Variants in ZNF385D observed in about 807,000 individuals in gnomAD.
ZNF385D encodes the protein zinc finger protein 659.
ZNF385D carries 15 observed loss-of-function variants against 35.8 expected under a neutral mutation model. The observed-to-expected ratio is 0.42, with a 90% CI of 0.28 to 0.64. The LOEUF is 0.64. Among genes scored for constraint, ZNF385D ranks in the 30% least tolerant of loss-of-function variants. The pLI, the probability that ZNF385D is intolerant of heterozygous loss-of-function variation, is 0.23. For synonymous variants in ZNF385D, 212 were observed against 186.8 expected, an observed-to-expected ratio of 1.13 and a Z score of -1.10; for missense variants, 474 against 494.6, an observed-to-expected ratio of 0.96 and a Z score of 0.39.
At chr3:22,185,719 G>A (rs1344958140) in intron 2 of ZNF385D, among the ~76,000 whole-genome samples, 1 of 152,158 alleles carries the variant, frequency 6.6e-6, no homozygotes, top group Non-Finnish European at 1.5e-5. Context: ...ACCCGCCTTG[G>A]CCTTCCAAAG....
intron 2 of ZNF385D, among the ~76,000 whole-genome samples, chr3:22,169,725 G>T (rs1262205057): frequency 6.6e-6 from 1 of 152,164 alleles, no homozygotes; most frequent in East Asian, 1.9e-4. Flanking sequence ...CTGGATAAAT[G>T]TACGCTTTGT....
At chr3:22,317,772 T>C (rs957424572) in intron 2 of ZNF385D, among the ~76,000 whole-genome samples, 6 of 152,230 alleles carry the variant, frequency 3.9e-5, no homozygotes, top group Admixed American at 6.5e-5. Context: ...TTAAATAATG[T>C]GAATCAGGCT....
At chr3:21,509,875 A>G (rs1707070648) in intron 4 of ZNF385D, among the ~76,000 whole-genome samples, 1 of 152,208 alleles carries the variant, frequency 6.6e-6, no homozygotes, top group South Asian at 2.1e-4. Flanking sequence ...TCCTTGGAAG[A>G]GCTGATATGT....
rs1700538549 is a variant in ZNF385D, at chr3:21,414,705, A to G, written c.*6509T>C. ...TAGATGATTGGTAGTGAAGCCAACA[A>G]CTGTGTTCACTGTTCTGTGATGCTC... On this transcript the variant is annotated 3_prime_UTR_variant, in exon 8 of 8. Coordinates refer to ENST00000281523, the MANE Select transcript of ZNF385D (RefSeq NM_024697.3). The G allele has an allele frequency of 1.3e-5, 2 of 152,086 alleles. No homozygotes were observed. Among genetic ancestry groups the G allele is most frequent in the African/African-American group, 4.8e-5 (2 of 41,420 alleles). 9.4% of individuals were successfully genotyped at this position (152,086 alleles called of 1,614,324 possible). A position where few individuals can be genotyped will look rare whatever the true frequency, so the allele number is the denominator to read the frequency against.
intron 2 of ZNF385D, chr3:21,579,383 T>G (rs1299304383): frequency 2.0e-5 from 3 of 152,294 alleles, no homozygotes; most frequent in African/African-American, 7.2e-5. Context: ...AAAATAAAGG[T>G]AAGGACAATA....
chr3:21,759,139 A>G (rs951783829), intron 3 of ZNF385D, among the ~76,000 whole-genome samples: 9 of 152,146 alleles, frequency 5.9e-5, no homozygotes, highest in African/African-American at 2.2e-4. Context: ...AAACAAAGGT[A>G]ACATAAATTA....
intron 2 of ZNF385D, among the ~76,000 whole-genome samples, chr3:21,651,958 A>C (rs761651111): frequency 6.6e-5 from 10 of 152,194 alleles, no homozygotes; most frequent in Non-Finnish European, 1.5e-4. Flanking sequence ...CAAGACTAAA[A>C]TACCATCCCT....
At chr3:21,910,174 C>T (rs750028577) in intron 3 of ZNF385D, among the ~76,000 whole-genome samples, 1 of 151,716 alleles carries the variant, frequency 6.6e-6, no homozygotes, top group Non-Finnish European at 1.5e-5. Flanking sequence ...AGGATTGCAC[C>T]GTCATCCAAT....
intron 1 of ZNF385D, among the ~76,000 whole-genome samples, chr3:21,732,973 G>T (rs2069085589): frequency 6.6e-6 from 1 of 152,088 alleles, no homozygotes; most frequent in Non-Finnish European, 1.5e-5. Flanking sequence ...CAAATCCAAG[G>T]TCCTCTAGAT....
chr3:21,710,494 C>T (rs1428462360), intron 1 of ZNF385D, among the ~76,000 whole-genome samples: 2 of 152,036 alleles, frequency 1.3e-5, no homozygotes, highest in Non-Finnish European at 2.9e-5. Flanking sequence ...TTTCATAATC[C>T]TCCATAACCT....
At chr3:21,461,547 C>CAAAAACAA (rs2125313578) in intron 4 of ZNF385D, among the ~76,000 whole-genome samples, 1 of 151,142 alleles carries the variant, frequency 6.6e-6, no homozygotes, top group East Asian at 1.9e-4. Flanking sequence ...GACTCTATCT[C>CAAAAACAA]AAAAACAAAC....
chr3:21,981,612 G>C lies in ZNF385D; in HGVS notation c.325+187205C>G, dbSNP rs1343397610. ...TTTGCTTTTGTTGCAATTGCTTTTG[G>C]TGTCTTTGTCATAAAATCTTTGCCT... is the stretch of plus-strand genomic sequence containing the variant. On this transcript the variant is annotated intron_variant, in intron 3 of 5. Transcript: ENST00000494108. 2.0e-5 allele frequency among the ~76,000 whole-genome samples: 3 copies of C among 152,078 alleles called. No individual in the cohort carries two copies. In the East Asian group the frequency reaches 5.8e-4, roughly 29 times the overall value.
intron 2 of ZNF385D, among the ~76,000 whole-genome samples, chr3:21,602,126 G>T (rs2064311784): frequency 6.6e-6 from 1 of 152,062 alleles, no homozygotes; most frequent in Non-Finnish European, 1.5e-5. Flanking sequence ...AGCGTGTGCA[G>T]GGGAATTCCC....
intron 3 of ZNF385D, among the ~76,000 whole-genome samples, chr3:22,064,040 A>AT (rs1292148770): frequency 6.6e-6 from 1 of 152,184 alleles, no homozygotes; most frequent in Non-Finnish European, 1.5e-5. Context: ...AAATTGTGAC[A>AT]TTTTTTATTG....
chr3:21,444,960 G>A (rs1290262481), intron 4 of ZNF385D, among the ~76,000 whole-genome samples: 3 of 152,160 alleles, frequency 2.0e-5, no homozygotes, highest in African/African-American at 7.2e-5. Flanking sequence ...GCAACTGAGG[G>A]TTAAGCTAAT....
At chr3:21,684,404 C>CTCTCTCT (rs1211451693) in intron 1 of ZNF385D, among the ~76,000 whole-genome samples, 15 of 70,666 alleles carry the variant, frequency 2.1e-4, no homozygotes, top group South Asian at 5.8e-4. Flanking sequence ...CTCTCTCTCT[C>CTCTCTCT]CTCTCTCTCT....
intron 3 of ZNF385D, among the ~76,000 whole-genome samples, chr3:21,975,685 C>G (rs952585102): frequency 7.4e-6 from 1 of 136,002 alleles, no homozygotes; most frequent in African/African-American, 2.6e-5. Flanking sequence ...AAATATATAC[C>G]TATTATGTAC....
At chr3:21,665,071 A>G in intron 1 of ZNF385D, 43 bp from the exon 2 acceptor site, 1 of 1,526,128 alleles carries the variant, frequency 6.6e-7, no homozygotes, top group Non-Finnish European at 8.8e-7. Flanking sequence ...GACACCACGC[A>G]TGGAAAAAAA....
chr3:22,168,837 C>T lies in ZNF385D; in HGVS notation c.305G>A (p.Gly102Glu), dbSNP rs1353667874. Residue 102 changes from glycine to glutamate, a missense_variant, in exon 3 of 6, where the codon GGG (glycine) becomes GAG (glutamate). Transcript: ENST00000494108. ...CTTACCATTGTCATTTTTCAGCGTC[C>T]CATTGCTGAGTTGTTTTAATCTCTT... The T allele has an allele frequency of 1.9e-5, 19 of 985,526 alleles. 1 individual carries two copies. Among genetic ancestry groups the T allele is most frequent in the Non-Finnish European group, 1.8e-5 (15 of 829,876 alleles). The allele number at this position is 985,526 out of a possible 1,614,324, so 61.0% of individuals were successfully genotyped here. A position where few individuals can be genotyped will look rare whatever the true frequency, so the allele number is the denominator to read the frequency against.
Sources: allele counts gnomAD v4.1 joint callset (sites outside exome capture counted in the v4.1 genomes callset), GRCh38; gene constraint gnomAD v4.1.1; transcripts MANE v1.5; gene names NCBI Gene and HGNC (gene_info 2026-07-23, HGNC 2026-07-21).